PTPRT: variants seen among roughly 807,000 people sequenced by gnomAD.
PTPRT encodes the protein receptor-type tyrosine-protein phosphatase T.
In PTPRT, 56 loss-of-function variants were observed where a neutral mutation model predicts 176.8. The ratio of observed to expected loss-of-function variants is 0.32; its 90% confidence interval spans 0.26 to 0.40. PTPRT has a LOEUF of 0.40. Among genes scored for constraint, PTPRT ranks in the 10% least tolerant of loss-of-function variants. The pLI is 1.00. For missense variants in PTPRT, 1,540 were observed against 1,908.2 expected, an observed-to-expected ratio of 0.81 and a Z score of 3.60; for synonymous variants, 783 against 739.0, an observed-to-expected ratio of 1.06 and a Z score of -0.96.
the PTPRT span, among the ~76,000 whole-genome samples, chr20:42,034,974 G>C: frequency 6.6e-6 from 1 of 152,130 alleles, no homozygotes; most frequent in Non-Finnish European, 1.5e-5. Context: ...GTCTCAGTCT[G>C]GCTCAGGGTT....
Position 42,140,217 on chromosome 20 carries a change from T to C in PTPRT, c.2770+1698A>G, listed in dbSNP as rs541930885. 3.8e-4 allele frequency among the ~76,000 whole-genome samples: 57 copies of C among 151,724 alleles called. 1 individual carries two copies. The highest frequency in any genetic ancestry group is 1.2e-3 in the African/African-American group (50 of 41,500). ...GAATTGTGCTAGAAATAATTTGTCATTCAGGATCCTTTTTTTTTTTCTTTT... is the reference window on the plus strand; with the variant it reads ...GAATTGTGCTAGAAATAATTTGTCACTCAGGATCCTTTTTTTTTTTCTTTT... On this transcript the variant is annotated intron_variant, in intron 18 of 30. Transcript: ENST00000373187.
At chr20:42,141,568 C>T (rs191022104) in intron 18 of PTPRT, among the ~76,000 whole-genome samples, 11 of 152,304 alleles carry the variant, frequency 7.2e-5, no homozygotes, top group East Asian at 5.8e-4. Context: ...TGGGGTCTTC[C>T]GCATGTCAGC....
intron 1 of PTPRT, among the ~76,000 whole-genome samples, chr20:42,986,299 C>T (rs1404632510): frequency 1.3e-5 from 2 of 152,178 alleles, no homozygotes; most frequent in Non-Finnish European, 2.9e-5. Context: ...CTGAGGTGTT[C>T]CCAGCCCCTC....
At chr20:42,751,532 C>A (rs1322022275) in intron 6 of PTPRT, among the ~76,000 whole-genome samples, 1 of 152,028 alleles carries the variant, frequency 6.6e-6, no homozygotes, top group African/African-American at 2.4e-5. Flanking sequence ...TAGGTGTTGC[C>A]AGAAGAGATT....
chr20:42,988,540 A>G (rs559927436), intron 1 of PTPRT, among the ~76,000 whole-genome samples: 11 of 152,314 alleles, frequency 7.2e-5, no homozygotes, highest in African/African-American at 2.2e-4. Flanking sequence ...CAGCTCGGTC[A>G]TACAACACAT....
At chr20:42,522,031 G>A (rs2072186102) in intron 7 of PTPRT, among the ~76,000 whole-genome samples, 2 of 151,850 alleles carry the variant, frequency 1.3e-5, no homozygotes, top group Non-Finnish European at 2.9e-5. Flanking sequence ...AAAAGAAATA[G>A]TACAACAAGA....
At chr20:42,616,763 G>T (rs1312648095) in intron 7 of PTPRT, among the ~76,000 whole-genome samples, 3 of 131,040 alleles carry the variant, frequency 2.3e-5, no homozygotes, top group African/African-American at 1.1e-4. Flanking sequence ...GTATAAGAAT[G>T]CTTGTGATTT....
chr20:42,099,557 GGGGT>G (rs1294181768), intron 26 of PTPRT, among the ~76,000 whole-genome samples: 16 of 42,892 alleles, frequency 3.7e-4, no homozygotes, highest in African/African-American at 9.8e-4. Context: ...GGGGGGGGGG[GGGGT>G]GGGGTGGTCT....
chr20:42,366,585 C>T (rs1399843660), intron 9 of PTPRT, among the ~76,000 whole-genome samples: 1 of 152,140 alleles, frequency 6.6e-6, no homozygotes, highest in Non-Finnish European at 1.5e-5. Context: ...TGAGACATGC[C>T]CCTACAAGCA....
chr20:42,680,753 A>C (rs2075588730), intron 6 of PTPRT, among the ~76,000 whole-genome samples: 1 of 152,220 alleles, frequency 6.6e-6, no homozygotes, highest in African/African-American at 2.4e-5. Context: ...TCAATTGCTG[A>C]CCACCAGAAA....
intron 1 of PTPRT, among the ~76,000 whole-genome samples, chr20:43,069,712 T>C (rs1156349257): frequency 6.6e-6 from 1 of 152,142 alleles, no homozygotes; most frequent in Non-Finnish European, 1.5e-5. Flanking sequence ...TCGGCTTTTT[T>C]ATATAAGAGC....
chr20:42,136,963 T>G (rs960742295), intron 18 of PTPRT, among the ~76,000 whole-genome samples: 1 of 152,208 alleles, frequency 6.6e-6, no homozygotes, highest in Non-Finnish European at 1.5e-5. Context: ...TATACCCACT[T>G]CCATCAGTCA....
intron 13 of PTPRT, among the ~76,000 whole-genome samples, chr20:42,249,333 T>C (rs2056510847): frequency 6.6e-6 from 1 of 152,218 alleles, no homozygotes; most frequent in Non-Finnish European, 1.5e-5. Context: ...GGGCAAAAAG[T>C]TTGTATATTC....
At position 42,595,735 on chromosome 20, in the gene PTPRT, C is replaced by T. The variant is rs2073658956; in HGVS notation, c.1153+82131G>A. Reference sequence around the variant, plus strand: ...TTCCAGAGTTTAGGAACAGAGCAGGCTGCCTTCTCTCCTCTTGCCAGGAAT... The same window carrying T: ...TTCCAGAGTTTAGGAACAGAGCAGGTTGCCTTCTCTCCTCTTGCCAGGAAT... On this transcript the variant is annotated intron_variant, in intron 7 of 30. Coordinates refer to ENST00000373187, the MANE Select transcript of PTPRT (RefSeq NM_007050.6). Among the ~76,000 whole-genome samples, 3 of 152,184 alleles carry T rather than the reference C, an allele frequency of 2.0e-5. No individual in the cohort carries two copies. The South Asian group carries it at 6.2e-4, about 32-fold the overall frequency.
At chr20:43,065,108 C>CA (rs1568762743) in intron 1 of PTPRT, among the ~76,000 whole-genome samples, 1 of 152,232 alleles carries the variant, frequency 6.6e-6, no homozygotes, top group East Asian at 1.9e-4. Flanking sequence ...TCTCCTTCCC[C>CA]TTTGCATCTC....
chr20:42,228,332 T>C (rs1377060587), intron 15 of PTPRT, among the ~76,000 whole-genome samples: 1 of 152,214 alleles, frequency 6.6e-6, no homozygotes, highest in Non-Finnish European at 1.5e-5. Context: ...TGACAGAGCC[T>C]CTGACTTACA....
chr20:42,469,525 G>C (rs2071157601), intron 8 of PTPRT, among the ~76,000 whole-genome samples: 1 of 152,118 alleles, frequency 6.6e-6, no homozygotes, highest in Admixed American at 6.6e-5. Context: ...TTACAGATGA[G>C]GAAACAAAGG....
intron 8 of PTPRT, among the ~76,000 whole-genome samples, chr20:42,463,591 T>G (rs2071057458): frequency 6.6e-6 from 1 of 152,056 alleles, no homozygotes; most frequent in Non-Finnish European, 1.5e-5. Flanking sequence ...TCTCCTCTCC[T>G]CTCCCCTTTC....
chr20:43,110,073 T>C (rs1254137375), intron 1 of PTPRT, among the ~76,000 whole-genome samples: 2 of 152,222 alleles, frequency 1.3e-5, no homozygotes, highest in East Asian at 3.8e-4. Context: ...ACTTGACTCA[T>C]GATTTTGGAT....
Sources: allele counts gnomAD v4.1 joint callset (sites outside exome capture counted in the v4.1 genomes callset), GRCh38; gene constraint gnomAD v4.1.1; transcripts MANE v1.5; gene names NCBI Gene and HGNC (gene_info 2026-07-23, HGNC 2026-07-21).